The following RAPGEF5 variants were observed in gnomAD, a reference collection of about 807,000 sequenced individuals.
RAPGEF5 encodes M-Ras-regulated GEF.
A neutral mutation model predicts 125.2 loss-of-function variants in RAPGEF5; 65 were observed. The observed-to-expected ratio is 0.52, with a 90% CI of 0.43 to 0.64. RAPGEF5 has a LOEUF of 0.64. Ranked by LOEUF, RAPGEF5 falls within the 30% of genes least tolerant of loss-of-function variation. The probability of loss-of-function intolerance (pLI) is 0.00; values close to 1 mark genes in which losing one functional copy is unlikely to be tolerated. For synonymous variants in RAPGEF5, 391 were observed against 385.9 expected, an observed-to-expected ratio of 1.01 and a Z score of -0.16; for missense variants, 958 against 1,048.1, an observed-to-expected ratio of 0.91 and a Z score of 1.19.
rs944735230 is a variant in RAPGEF5 at position 22,194,545 on chromosome 7, C to G, written c.997-512G>C. The stretch of plus-strand genomic sequence containing the variant: ...TACTTTACACCCTTACTTTAAAAGG[C>G]GGCAAGAAAAAAAAAACTACCCACT... On this transcript the variant is annotated intron_variant, in intron 9 of 25. Transcript: ENST00000665637. 4.2e-6 allele frequency: 4 copies of G among 952,886 alleles called. No individual in the cohort carries two copies. In the African/African-American group the frequency reaches 7.2e-5, roughly 17 times the overall value. 59.0% of individuals were successfully genotyped at this position (952,886 alleles called of 1,614,324 possible).
At position 22,335,629 on chromosome 7, in the gene RAPGEF5, GAC is replaced by G. The variant is rs576906689; in HGVS notation, c.232-17594_232-17593del. ...AGCCGTATCAACTCTAGGGTGGGGG[GAC>G]ACACAGAATGGTCAGACTGCCATCT... On this transcript the variant is annotated intron_variant, in intron 1 of 25. Coordinates refer to ENST00000665637, the MANE Select transcript of RAPGEF5 (RefSeq NM_012294.5). Among the ~76,000 whole-genome samples, 820 of 148,870 alleles carry G rather than the reference GAC, an allele frequency of 5.5e-3. 8 individuals are homozygous for G. Among genetic ancestry groups the G allele is most frequent in the African/African-American group, 0.019 (771 of 40,346 alleles).
chr7:22,144,254 TC>T (rs1475097993), intron 20 of RAPGEF5, among the ~76,000 whole-genome samples: 1 of 152,218 alleles, frequency 6.6e-6, no homozygotes, highest in African/African-American at 2.4e-5. Flanking sequence ...TAGCCCCTGT[TC>T]TTTGAAAGCG....
At chr7:22,215,172 A>T (rs1357888381) in intron 9 of RAPGEF5, among the ~76,000 whole-genome samples, 2 of 152,074 alleles carry the variant, frequency 1.3e-5, no homozygotes, top group Non-Finnish European at 2.9e-5. Flanking sequence ...TTTCTCATGA[A>T]ATCTTCCTTC....
At chr7:22,280,983 T>C (rs1026444362) in intron 6 of RAPGEF5, among the ~76,000 whole-genome samples, 1 of 152,204 alleles carries the variant, frequency 6.6e-6, no homozygotes, top group African/African-American at 2.4e-5. Context: ...GAAAATATAC[T>C]TCTGACTTTA....
chr7:22,239,608 G>C (rs1309502700), intron 7 of RAPGEF5, among the ~76,000 whole-genome samples: 2 of 151,948 alleles, frequency 1.3e-5, no homozygotes, highest in Non-Finnish European at 2.9e-5. Context: ...CAGCAGAGAG[G>C]ACTCCATTTC....
rs1440002634 is a variant in RAPGEF5 at position 22,203,963 on chromosome 7, A to T, written c.997-9930T>A. On this transcript the variant is annotated intron_variant, in intron 9 of 25. Transcript: ENST00000665637. ...AGGGAAAAAAATTGCCAGTAACCCG[A>T]ATCACTGCTTTTCACTAGCAGCCCA... Among the ~76,000 whole-genome samples, 5 of 152,234 alleles carry T rather than the reference A, an allele frequency of 3.3e-5. 1 individual carries two copies. The highest frequency in any genetic ancestry group is 3.3e-4 in the Admixed American group (5 of 15,278).
intron 8 of RAPGEF5, among the ~76,000 whole-genome samples, chr7:22,229,495 C>T (rs201226955): frequency 1.3e-5 from 2 of 152,164 alleles, no homozygotes; most frequent in Non-Finnish European, 2.9e-5. Context: ...AATAGGTGCT[C>T]AAGCCATTAA....
intron 1 of RAPGEF5, among the ~76,000 whole-genome samples, chr7:22,337,539 G>C (rs1056034682): frequency 1.3e-5 from 2 of 152,112 alleles, no homozygotes; most frequent in Non-Finnish European, 2.9e-5. Context: ...CCTTTTATTA[G>C]TTTTATAAAG....
chr7:22,134,084 G>A (rs184539738), intron 23 of RAPGEF5, among the ~76,000 whole-genome samples: 86 of 152,194 alleles, frequency 5.7e-4, no homozygotes, highest in African/African-American at 2.0e-3. Context: ...AAACTAAGTT[G>A]GTTGTTCTAA....
chr7:22,287,014 A>G (rs1406827115), intron 6 of RAPGEF5, among the ~76,000 whole-genome samples: 2 of 152,234 alleles, frequency 1.3e-5, no homozygotes, highest in Non-Finnish European at 2.9e-5. Flanking sequence ...ATTAGAAAGG[A>G]GGCTAAGCTG....
chr7:22,334,413 T>C (rs1783987603), intron 1 of RAPGEF5, among the ~76,000 whole-genome samples: 1 of 152,238 alleles, frequency 6.6e-6, no homozygotes. Context: ...GGTCTTTATG[T>C]ATCCTCTGTC....
At chr7:22,161,080 C>T (rs145981070) in intron 13 of RAPGEF5, among the ~76,000 whole-genome samples, 2,265 of 150,952 alleles carry the variant, frequency 0.015, 64 homozygotes, top group African/African-American at 0.053. Context: ...TGGTAGCGGG[C>T]GCCTGTAATC....
chr7:22,277,620 A>G (rs868423256), intron 6 of RAPGEF5, among the ~76,000 whole-genome samples: 1 of 152,134 alleles, frequency 6.6e-6, no homozygotes, highest in Non-Finnish European at 1.5e-5. Context: ...GACAGAATCC[A>G]GTTCTTACGT....
At chr7:22,247,619 G>A (rs1207780244) in intron 7 of RAPGEF5, among the ~76,000 whole-genome samples, 1 of 152,036 alleles carries the variant, frequency 6.6e-6, no homozygotes, top group Non-Finnish European at 1.5e-5. Context: ...CCCCATTCAT[G>A]TGGAACTGTG....
intron 1 of RAPGEF5, among the ~76,000 whole-genome samples, chr7:22,329,830 C>A (rs1342094022): frequency 6.6e-6 from 1 of 152,134 alleles, no homozygotes; most frequent in Non-Finnish European, 1.5e-5. Flanking sequence ...GGGCCACAGG[C>A]AGGTACAAGA....
chr7:22,247,813 G>A (rs1339749254), intron 7 of RAPGEF5, among the ~76,000 whole-genome samples: 1 of 152,034 alleles, frequency 6.6e-6, no homozygotes, highest in Non-Finnish European at 1.5e-5. Context: ...ATGAAATAAT[G>A]TCCTTTGTAG....
chr7:22,278,321 A>G (rs1206557247), intron 6 of RAPGEF5, among the ~76,000 whole-genome samples: 3 of 152,226 alleles, frequency 2.0e-5, no homozygotes, highest in Non-Finnish European at 4.4e-5. Flanking sequence ...AACCTGAATT[A>G]TCAAGACGTC....
chr7:22,276,412 C>A (rs1296808996), intron 6 of RAPGEF5, among the ~76,000 whole-genome samples: 1 of 152,092 alleles, frequency 6.6e-6, no homozygotes, highest in African/African-American at 2.4e-5. Flanking sequence ...TCATCGTGCC[C>A]TTTGGAGGTA....
chr7:22,136,571 T>C (rs893418663), intron 22 of RAPGEF5, among the ~76,000 whole-genome samples: 1 of 152,076 alleles, frequency 6.6e-6, no homozygotes, highest in East Asian at 1.9e-4. Context: ...TTTAAAAATC[T>C]CAATCTAAGA....
Sources: gnomAD v4.1 joint callset for allele counts (sites outside exome capture counted in the v4.1 genomes callset) on GRCh38, gnomAD v4.1.1 for gene constraint, MANE v1.5 for transcripts, NCBI Gene and HGNC (gene_info 2026-07-23, HGNC 2026-07-21) for gene names.